LAMC3: variants seen among roughly 807,000 people sequenced by gnomAD.
LAMC3 encodes the protein laminin subunit gamma-3.
A neutral mutation model predicts 173.8 loss-of-function variants in LAMC3; 128 were observed. That is an observed-to-expected ratio of 0.74 (90% CI 0.64 to 0.85). LAMC3 has a LOEUF of 0.85. Ranked by LOEUF, LAMC3 falls within the 40% of genes least tolerant of loss-of-function variation. The probability of loss-of-function intolerance (pLI) is 0.00; values close to 1 mark genes in which losing one functional copy is unlikely to be tolerated. For missense variants in LAMC3, 2,022 were observed against 2,156.0 expected (o/e 0.94, Z 1.23); for synonymous variants, 897 against 909.1 (o/e 0.99, Z 0.24).
intron 19 of LAMC3, 49 bp from the exon 20 acceptor site, chr9:131,073,196 C>T: frequency 2.8e-6 from 4 of 1,412,378 alleles, no homozygotes; most frequent in Non-Finnish European, 4.0e-6. Context: ...TGGCCCTTAC[C>T]CTTTGGCGAT....
At chr9:131,037,314 C>G (rs1833965265) in intron 4 of LAMC3, among the ~76,000 whole-genome samples, 2 of 152,176 alleles carry the variant, frequency 1.3e-5, no homozygotes, top group African/African-American at 4.8e-5. Context: ...CAGGCTTGAC[C>G]CTTCATCCCC....
chr9:131,071,570 T>C lies in LAMC3; in HGVS notation c.3156T>C (p.Ile1052=). ...DCGSPWGPLD[I]LLGEAPRGDV... ...GCAGTCCCTGGGGACCACTAGACAT[T>C]CTGCTGGGAGAGGCCCCAAGGGGGG... The change falls in exon 18 of 28, where the codon ATT becomes ATC. Residue 1052 remains isoleucine (I), a synonymous_variant. Transcript: ENST00000361069. 6.2e-7 allele frequency: 1 copy of C among 1,611,184 alleles called. No individual in the cohort carries two copies. The highest frequency in any genetic ancestry group is 1.1e-5 in the South Asian group (1 of 90,678).
rs1426926688 is a variant in LAMC3 at position 131,038,919 on chromosome 9, CAGCACAG to C, written c.1033_1039del (p.Ser345AlafsTer61). 2.2e-5 allele frequency: 35 copies of C among 1,613,304 alleles called. No individual in the cohort carries two copies. Among genetic ancestry groups the C allele is most frequent in the Non-Finnish European group, 2.9e-5 (34 of 1,180,032 alleles). ...GCACGTTTGATCGGGAGCTCTTCCG[CAGCACAG>C]GCCACGGCGGGCGCTGTCACCACTG... On this transcript the variant is annotated frameshift_variant, in exon 5 of 28. Coordinates refer to ENST00000361069, the MANE Select transcript of LAMC3 (RefSeq NM_006059.4). LOFTEE classifies it high-confidence loss of function.
chr9:131,046,350 GCAC>G (rs561756208), intron 8 of LAMC3, among the ~76,000 whole-genome samples: 540 of 150,946 alleles, frequency 3.6e-3, no homozygotes, highest in Non-Finnish European at 5.3e-3. Context: ...CCACAGGTGT[GCAC>G]CACCGTGCCC....
chr9:131,062,322 C>A (rs6597672), intron 13 of LAMC3, among the ~76,000 whole-genome samples: 1 of 151,848 alleles, frequency 6.6e-6, no homozygotes, highest in Non-Finnish European at 1.5e-5. Flanking sequence ...GATCGCGCCA[C>A]TGCACTCCAG....
rs745565555 is a variant in LAMC3 at position 131,073,273 on chromosome 9, C to T, written c.3446C>T (p.Pro1149Leu). 3.2e-5 allele frequency: 52 copies of T among 1,613,578 alleles called. No individual in the cohort carries two copies. The highest frequency in any genetic ancestry group is 5.0e-5 in the Admixed American group (3 of 60,002). The stretch of plus-strand genomic sequence containing the variant: ...ATTCCTCAGGAAGGTCCCAGTCAGC[C>T]GACCAAATGGAGCCACCTGGCCACA... ...LEIPQEGPSQ[P>L]TKWSHLATEA... The change falls in exon 20 of 28, where the codon CCG becomes CTG. Residue 1149 changes from proline (P) to leucine (L), a missense_variant. Coordinates refer to ENST00000361069, the MANE Select transcript of LAMC3 (RefSeq NM_006059.4).
chr9:131,085,866 A>G, intron 25 of LAMC3, 143 bp downstream of exon 25: 1 of 783,420 alleles, frequency 1.3e-6, no homozygotes, highest in Non-Finnish European at 2.2e-6. Context: ...CAGAGACTTC[A>G]CGGGGGTGAG....
intron 7 of LAMC3, among the ~76,000 whole-genome samples, chr9:131,043,611 A>G (rs1834095719): frequency 6.6e-6 from 1 of 152,252 alleles, no homozygotes. Flanking sequence ...AGTCAAATCC[A>G]CGAATCCATA....
At chr9:131,021,949 C>G (rs1833633460) in intron 1 of LAMC3, among the ~76,000 whole-genome samples, 2 of 152,202 alleles carry the variant, frequency 1.3e-5, no homozygotes, top group South Asian at 4.1e-4. Context: ...AGGAACCTCC[C>G]CGTGTTCAGC....
chr9:131,046,971 G>A (rs1187194078), intron 8 of LAMC3, among the ~76,000 whole-genome samples: 2 of 152,202 alleles, frequency 1.3e-5, no homozygotes, highest in African/African-American at 4.8e-5. Context: ...CGCGTGTCTG[G>A]GTCCTGGGTC....
intron 13 of LAMC3, among the ~76,000 whole-genome samples, chr9:131,064,814 G>A (rs1480818023): frequency 1.3e-5 from 2 of 152,092 alleles, no homozygotes; most frequent in Non-Finnish European, 2.9e-5. Context: ...GCCAAGGCAG[G>A]CGGATCACCT....
chr9:131,074,072 A>G (rs1830082963), intron 20 of LAMC3, among the ~76,000 whole-genome samples: 1 of 147,662 alleles, frequency 6.8e-6, no homozygotes, highest in Non-Finnish European at 1.5e-5. Context: ...TCAGCCTCCC[A>G]AGTAGCTAGG....
intron 25 of LAMC3, 133 bp from the exon 26 acceptor site, chr9:131,087,343 T>C: frequency 8.7e-7 from 1 of 1,150,460 alleles, no homozygotes; most frequent in African/African-American, 1.5e-5. Flanking sequence ...TACATATTTG[T>C]TGCGTGCATG....
intron 1 of LAMC3, among the ~76,000 whole-genome samples, chr9:131,020,041 T>C (rs531598214): frequency 6.6e-5 from 10 of 151,896 alleles, no homozygotes; most frequent in Middle Eastern, 3.4e-3. Flanking sequence ...ATGAGCTCAG[T>C]ACGAAGAGGC....
intron 7 of LAMC3, among the ~76,000 whole-genome samples, chr9:131,045,232 AAAAAC>A (rs1314717038): frequency 4.2e-4 from 51 of 121,174 alleles, no homozygotes; most frequent in Middle Eastern, 3.9e-3. Context: ...AAAAAAAAAA[AAAAAC>A]AACAACAACA....
At chr9:131,036,407 C>A in intron 4 of LAMC3, 75 bp downstream of exon 4, 1 of 1,555,066 alleles carries the variant, frequency 6.4e-7, no homozygotes. Flanking sequence ...CTCCCCAAAA[C>A]GTCGTGGTGG....
At position 131,061,006 on chromosome 9, in the gene LAMC3, C is replaced by T. The variant is rs750978909; in HGVS notation, c.2159-29C>T. 13 of 1,611,948 alleles carry T rather than the reference C, an allele frequency of 8.1e-6. No homozygotes were observed. In the South Asian group the frequency reaches 1.4e-4, roughly 18 times the overall value. On this transcript the variant is annotated intron_variant, in intron 12 of 27. Coordinates refer to ENST00000361069, the MANE Select transcript of LAMC3 (RefSeq NM_006059.4). The stretch of plus-strand genomic sequence containing the variant: ...CCACCATCTCTGGGCATTCTGGGTT[C>T]AGACAGTGGTGCTTGTCTTGCCCCT...
At chr9:131,019,418 G>A (rs780662583) in intron 1 of LAMC3, among the ~76,000 whole-genome samples, 2 of 152,122 alleles carry the variant, frequency 1.3e-5, no homozygotes, top group East Asian at 1.9e-4. Context: ...GAGTAGACTC[G>A]AGGCAGGATT....
At position 131,026,373 on chromosome 9, in the gene LAMC3, C is replaced by T. The variant is rs147423784; in HGVS notation, c.462C>T (p.Asp154=). Residue 154 remains aspartate (D), a synonymous_variant, in exon 2 of 28, where the codon GAC becomes GAT. Transcript: ENST00000361069. The surrounding 1 kb of genome is among the most constrained non-coding windows in gnomAD (Gnocchi z 4.8). The part of the protein sequence containing the change: ...SFAIYKRSRA[D]GPWEPYQFYS... Reference sequence around the variant, plus strand: ...CCATCTACAAGCGCAGCCGCGCCGACGGCCCATGGGAGCCCTACCAGTTCT... The same window carrying T: ...CCATCTACAAGCGCAGCCGCGCCGATGGCCCATGGGAGCCCTACCAGTTCT... The T allele has an allele frequency of 7.4e-6, 12 of 1,614,162 alleles. No homozygotes were observed. Among genetic ancestry groups the T allele is most frequent in the East Asian group, 4.5e-5 (2 of 44,886 alleles).
Sources: gnomAD v4.1 joint callset for allele counts (sites outside exome capture counted in the v4.1 genomes callset) on GRCh38, gnomAD v4.1.1 for gene constraint, Gnocchi (gnomAD v3.1) non-coding constraint, MANE v1.5 for transcripts, NCBI Gene and HGNC (gene_info 2026-07-23, HGNC 2026-07-21) for gene names.